PCDH15: variants seen among roughly 807,000 people sequenced by gnomAD.
PCDH15 encodes the protein protocadherin-15.
A neutral mutation model predicts 178.5 loss-of-function variants in PCDH15; 129 were observed. The ratio of observed to expected loss-of-function variants is 0.72; its 90% CI spans 0.63 to 0.84. The LOEUF is 0.84. Among genes scored for constraint, PCDH15 ranks in the 40% least tolerant of loss-of-function variants. The probability of loss-of-function intolerance (pLI) is 0.00; values close to 1 mark genes in which losing one functional copy is unlikely to be tolerated. For missense variants in PCDH15, 2,230 were observed against 2,099.9 expected, an observed-to-expected ratio of 1.06 and a Z score of -1.21; for synonymous variants, 800 against 732.0, an observed-to-expected ratio of 1.09 and a Z score of -1.50.
chr10:54,785,019 G>C (rs181031128), intron 1 of PCDH15, among the ~76,000 whole-genome samples: 1 of 151,830 alleles, frequency 6.6e-6, no homozygotes, highest in African/African-American at 2.4e-5. Flanking sequence ...ACCAAGACAG[G>C]AAGTGTGCCT....
chr10:55,536,708 GA>G (rs1360862438), intron 2 of PCDH15, among the ~76,000 whole-genome samples: 1 of 152,038 alleles, frequency 6.6e-6, no homozygotes, highest in Non-Finnish European at 1.5e-5. Flanking sequence ...TTAATTTCCA[GA>G]CTTGAATGTC....
chr10:55,553,982 C>A (rs998100111), intron 2 of PCDH15, among the ~76,000 whole-genome samples: 3 of 152,064 alleles, frequency 2.0e-5, no homozygotes, highest in Non-Finnish European at 4.4e-5. Flanking sequence ...GTAGTTCATA[C>A]AAAATACTAC....
chr10:54,509,623 T>C (rs2137697478), intron 3 of PCDH15, among the ~76,000 whole-genome samples: 1 of 152,284 alleles, frequency 6.6e-6, no homozygotes, highest in South Asian at 2.1e-4. Context: ...CTTTAACATC[T>C]GTATGCCACT....
intron 1 of PCDH15, among the ~76,000 whole-genome samples, chr10:54,677,693 T>C (rs2094816499): frequency 6.6e-6 from 1 of 152,158 alleles, no homozygotes; most frequent in African/African-American, 2.4e-5. Flanking sequence ...CATCTTCCAA[T>C]TTTTTAGGTA....
intron 25 of PCDH15, among the ~76,000 whole-genome samples, chr10:53,930,457 C>CAAAAAAAAA (rs60673116): frequency 2.0e-5 from 1 of 50,330 alleles, no homozygotes; most frequent in Non-Finnish European, 3.3e-5. Flanking sequence ...GACTCCCTCT[C>CAAAAAAAAA]AAAAAAAAAA....
chr10:53,850,466 A>G (rs537465965), intron 28 of PCDH15, among the ~76,000 whole-genome samples: 3 of 152,240 alleles, frequency 2.0e-5, no homozygotes, highest in African/African-American at 7.2e-5. Flanking sequence ...TCTACTAAAT[A>G]ATGCTCCAAA....
intron 3 of PCDH15, among the ~76,000 whole-genome samples, chr10:54,851,384 A>G (rs974246472): frequency 2.6e-5 from 4 of 152,188 alleles, no homozygotes; most frequent in Non-Finnish European, 5.9e-5. Flanking sequence ...ACTACTAATT[A>G]CTATAAATTA....
At chr10:55,219,732 T>C (rs1812610253) in intron 1 of PCDH15, among the ~76,000 whole-genome samples, 3 of 151,920 alleles carry the variant, frequency 2.0e-5, no homozygotes. Flanking sequence ...TAACATTCAT[T>C]GTTAGATGCC....
intron 37 of PCDH15, 105 bp from the exon 38 acceptor site, chr10:53,807,235 A>G: frequency 1.1e-6 from 1 of 928,488 alleles, no homozygotes; most frequent in South Asian, 1.8e-5. Context: ...AAAGCTGTCA[A>G]AGGTAAATCA....
chr10:53,869,640 T>G (rs2079691258), intron 26 of PCDH15, among the ~76,000 whole-genome samples: 1 of 152,066 alleles, frequency 6.6e-6, no homozygotes, highest in Non-Finnish European at 1.5e-5. Flanking sequence ...TGACCAGCAT[T>G]TACATCAAGA....
chr10:54,035,954 G>A (rs942070204), intron 18 of PCDH15, among the ~76,000 whole-genome samples: 3 of 151,900 alleles, frequency 2.0e-5, no homozygotes, highest in Admixed American at 6.6e-5. Flanking sequence ...TGAGTGGTCT[G>A]GATAGAAGAT....
intron 21 of PCDH15, among the ~76,000 whole-genome samples, chr10:53,981,420 A>G (rs1253551609): frequency 1.3e-5 from 2 of 152,208 alleles, no homozygotes; most frequent in Non-Finnish European, 2.9e-5. Flanking sequence ...TTCAAACTAT[A>G]CTACAAGGCT....
intron 2 of PCDH15, among the ~76,000 whole-genome samples, chr10:55,005,226 A>AATAATAATAATAATAATAATAATAATC (rs34847205): frequency 1.3e-4 from 19 of 146,564 alleles, no homozygotes; most frequent in South Asian, 8.6e-4. Context: ...TAATAATAAT[A>AATAATAATAATAATAATAATAATAATC]ATCAATGGAG....
intron 9 of PCDH15, among the ~76,000 whole-genome samples, chr10:54,232,030 T>C (rs111971753): frequency 2.0e-5 from 3 of 152,272 alleles, no homozygotes; most frequent in African/African-American, 7.2e-5. Context: ...TGATTGTATT[T>C]TGCAATGTGA....
At chr10:53,974,431 A>G (rs1160149421) in intron 21 of PCDH15, among the ~76,000 whole-genome samples, 2 of 152,146 alleles carry the variant, frequency 1.3e-5, no homozygotes, top group South Asian at 2.1e-4. Context: ...ACTTATTTAT[A>G]TAAGATATAT....
chr10:54,672,461 A>G (rs917173139), intron 1 of PCDH15, among the ~76,000 whole-genome samples: 1 of 152,126 alleles, frequency 6.6e-6, no homozygotes, highest in African/African-American at 2.4e-5. Flanking sequence ...GTTATATAAG[A>G]TTCAGTCTTA....
intron 2 of PCDH15, among the ~76,000 whole-genome samples, chr10:55,542,325 C>A (rs79719168): frequency 0.02 from 2,935 of 150,192 alleles, 104 homozygotes; most frequent in African/African-American, 0.068. Flanking sequence ...GACATATATA[C>A]CCTATGCCCC....
At chr10:54,781,807 G>C (rs894151813) in intron 1 of PCDH15, among the ~76,000 whole-genome samples, 2 of 151,958 alleles carry the variant, frequency 1.3e-5, no homozygotes, top group Non-Finnish European at 2.9e-5. Context: ...AAATAAAATG[G>C]TGCTTTGAAA....
At chr10:54,568,547 A>C (rs7919697) in intron 2 of PCDH15, 144,438 of 152,136 alleles carry the variant, frequency 0.95, 68,700 homozygotes, top group Middle Eastern at 0.98. Flanking sequence ...ACTGATCTTA[A>C]ATATTACTGT....
Sources: allele counts gnomAD v4.1 joint callset (sites outside exome capture counted in the v4.1 genomes callset), GRCh38; gene constraint gnomAD v4.1.1; transcripts MANE v1.5; gene names NCBI Gene and HGNC (gene_info 2026-07-23, HGNC 2026-07-21).